ENTPD1: variants seen among roughly 807,000 people sequenced by gnomAD.
ENTPD1 encodes ectonucleoside triphosphate diphosphohydrolase 1, also known as ATP diphosphohydrolase.
ENTPD1 carries 33 observed loss-of-function variants against 57.0 expected under a neutral mutation model. The observed-to-expected ratio is 0.58, with a 90% CI of 0.44 to 0.77. The LOEUF (loss-of-function observed/expected upper bound fraction) is 0.77. Ranked by LOEUF, ENTPD1 falls within the 30% of genes least tolerant of loss-of-function variation. The pLI is 0.00. For missense variants in ENTPD1, 501 were observed against 603.4 expected (o/e 0.83, Z 1.78); for synonymous variants, 202 against 218.8 (o/e 0.92, Z 0.68).
chr10:95,696,734 G>A, the ENTPD1 span, among the ~76,000 whole-genome samples: 65 of 152,360 alleles, frequency 4.3e-4, no homozygotes, highest in Middle Eastern at 3.4e-3. Flanking sequence ...TGGGGACCAA[G>A]TCTTAAATTG....
At chr10:95,734,645 G>C (rs1184391492) in intron 1 of ENTPD1, among the ~76,000 whole-genome samples, 1 of 152,204 alleles carries the variant, frequency 6.6e-6, no homozygotes, top group Non-Finnish European at 1.5e-5. Flanking sequence ...ACAGTAACAA[G>C]TAACTGTACA....
intron 1 of ENTPD1, among the ~76,000 whole-genome samples, chr10:95,718,514 T>C (rs1291381368): frequency 1.3e-5 from 2 of 152,164 alleles, no homozygotes; most frequent in African/African-American, 2.4e-5. Flanking sequence ...AAGAATAATC[T>C]CCTAATGGCT....
Position 95,713,372 on chromosome 10 carries a change from C to T in ENTPD1, c.37+1379C>T, listed in dbSNP as rs181067568. 1.6e-4 allele frequency among the ~76,000 whole-genome samples: 24 copies of T among 152,196 alleles called. No homozygotes were observed. In the East Asian group the frequency reaches 4.4e-3, roughly 28 times the overall value. On this transcript the variant is annotated intron_variant, in intron 1 of 9. Transcript: ENST00000453258. ...TCTCTCATTCTAAACAATTGTCTTA[C>T]TTGTATTTATGGGACAATCAAAATA... is the stretch of plus-strand genomic sequence containing the variant.
intron 1 of ENTPD1, among the ~76,000 whole-genome samples, chr10:95,764,784 G>A (rs556804415): frequency 6.9e-5 from 10 of 145,344 alleles, no homozygotes; most frequent in East Asian, 4.0e-4. Flanking sequence ...GTGTGATGGC[G>A]TGATTTTGGC....
At chr10:95,789,183 GGAT>G (rs2098192984) in intron 1 of ENTPD1, among the ~76,000 whole-genome samples, 1 of 152,142 alleles carries the variant, frequency 6.6e-6, no homozygotes, top group African/African-American at 2.4e-5. Flanking sequence ...TAATTGAAAT[GGAT>G]GAGAATTTAT....
At chr10:95,765,944 T>C (rs1438604896) in intron 1 of ENTPD1, among the ~76,000 whole-genome samples, 1 of 152,198 alleles carries the variant, frequency 6.6e-6, no homozygotes, top group Non-Finnish European at 1.5e-5. Flanking sequence ...TTTTTGATGC[T>C]ATTATAAATA....
chr10:95,722,271 GT>G (rs941427828), intron 1 of ENTPD1, among the ~76,000 whole-genome samples: 19 of 146,350 alleles, frequency 1.3e-4, no homozygotes, highest in African/African-American at 3.5e-4. Context: ...TTGTTTTTTT[GT>G]TTTTTTTTAA....
At position 95,845,620 on chromosome 10, in the gene ENTPD1, T is replaced by C. The variant is rs2098433719; in HGVS notation, c.813+24T>C. The C allele has an allele frequency of 1.9e-6, 3 of 1,614,234 alleles. No homozygotes were observed. The East Asian group carries it at 6.7e-5, about 36-fold the overall frequency. On this transcript the variant is annotated intron_variant, in intron 6 of 9. Transcript: ENST00000371205. ...AGGCAAGTATAACTCAATCCAGACC[T>C]GCCCCCTTCACATCTGCACCTCCAG...
intron 1 of ENTPD1, among the ~76,000 whole-genome samples, chr10:95,814,973 C>T (rs2098325084): frequency 2.0e-5 from 3 of 152,032 alleles, no homozygotes; most frequent in Admixed American, 1.3e-4. Context: ...CTTTAACTAA[C>T]TGGTTATCAT....
At chr10:95,805,940 A>G (rs1343853832) in intron 1 of ENTPD1, among the ~76,000 whole-genome samples, 2 of 152,116 alleles carry the variant, frequency 1.3e-5, no homozygotes, top group Non-Finnish European at 2.9e-5. Flanking sequence ...CCTTCATTTC[A>G]ACCTTGGTGA....
chr10:95,739,711 C>T (rs950709813), intron 1 of ENTPD1, among the ~76,000 whole-genome samples: 1 of 152,162 alleles, frequency 6.6e-6, no homozygotes, highest in Non-Finnish European at 1.5e-5. Context: ...GATATTTTCA[C>T]CTCTTCCCAT....
At chr10:95,712,071 G>A in intron 1 of ENTPD1, 1 of 1,598,194 alleles carries the variant, frequency 6.3e-7, no homozygotes, top group Non-Finnish European at 8.6e-7. Context: ...AAAAATCACT[G>A]TTTGTCTCAT....
chr10:95,855,891 T>C (rs2098453756), intron 7 of ENTPD1, among the ~76,000 whole-genome samples: 1 of 152,242 alleles, frequency 6.6e-6, no homozygotes, highest in South Asian at 2.1e-4. Context: ...ATTTCAACTT[T>C]GGTGAATCTG....
At chr10:95,763,166 C>G (rs1195473669) in intron 1 of ENTPD1, among the ~76,000 whole-genome samples, 1 of 152,096 alleles carries the variant, frequency 6.6e-6, no homozygotes, top group Non-Finnish European at 1.5e-5. Flanking sequence ...CTCAAGTGAT[C>G]TGCCTGCCTA....
chr10:95,726,273 T>C (rs1321535371), intron 1 of ENTPD1, among the ~76,000 whole-genome samples: 2 of 152,222 alleles, frequency 1.3e-5, no homozygotes, highest in African/African-American at 4.8e-5. Flanking sequence ...ACTAGAACCA[T>C]AGTGAAAGTG....
upstream of ENTPD1, chr10:95,753,292 T>C (rs531386612): frequency 6.6e-6 from 1 of 152,342 alleles, no homozygotes; most frequent in South Asian, 2.1e-4. Flanking sequence ...ATAATTATTC[T>C]TGTATGAATT....
In ENTPD1 at chr10:95,872,868, C is replaced by T. The variant is rs2098482022; in HGVS notation, c.*6485C>T. ...CTGGTTCCCTGATGAAGCTTTTATT[C>T]CCCTAGCCACATGGAACTTTTCCTT... On this transcript the variant is annotated 3_prime_UTR_variant, in exon 10 of 10. Coordinates refer to ENST00000371205, the MANE Select transcript of ENTPD1 (RefSeq NM_001776.6). 1.1e-5 allele frequency: 11 copies of T among 985,384 alleles called. No homozygotes were observed. The highest frequency in any genetic ancestry group is 1.2e-5 in the Non-Finnish European group (10 of 829,922). 61.0% of individuals were successfully genotyped at this position (985,384 alleles called of 1,614,324 possible).
intron 1 of ENTPD1, among the ~76,000 whole-genome samples, chr10:95,818,398 C>T (rs2098337254): frequency 6.6e-6 from 1 of 152,104 alleles, no homozygotes; most frequent in African/African-American, 2.4e-5. Flanking sequence ...TCTAGGTAGA[C>T]CAGTGTAGCT....
At chr10:95,702,224 A>G in the ENTPD1 span, among the ~76,000 whole-genome samples, 1 of 152,024 alleles carries the variant, frequency 6.6e-6, no homozygotes, top group Non-Finnish European at 1.5e-5. Flanking sequence ...ATTGGTATAG[A>G]CTTAAAATAT....
Sources: gnomAD v4.1 joint callset for allele counts (sites outside exome capture counted in the v4.1 genomes callset) on GRCh38, gnomAD v4.1.1 for gene constraint, MANE v1.5 for transcripts, NCBI Gene and HGNC (gene_info 2026-07-23, HGNC 2026-07-21) for gene names.